The following ARHGAP6 variants were observed in gnomAD, a reference collection of about 807,000 sequenced individuals.
ARHGAP6 encodes rho GTPase-activating protein 6.
ARHGAP6 carries 16 observed loss-of-function variants against 55.7 expected under a neutral mutation model. The ratio of observed to expected loss-of-function variants is 0.29; its 90% CI spans 0.19 to 0.44. ARHGAP6 has a LOEUF of 0.44. ARHGAP6 is among the 20% of genes least tolerant of loss of function. ARHGAP6 has a pLI of 1.00. For missense variants in ARHGAP6, 698 were observed against 808.9 expected, an observed-to-expected ratio of 0.86 and a Z score of 1.66; for synonymous variants, 382 against 360.9, an observed-to-expected ratio of 1.06 and a Z score of -0.66.
At chrX:11,220,320 C>A (rs2046950002) in intron 2 of ARHGAP6, among the ~76,000 whole-genome samples, 1 of 110,945 alleles carries the variant, frequency 9.0e-6, no homozygotes, top group African/African-American at 3.3e-5. Flanking sequence ...AACTCCAAGA[C>A]ACATAATTGT....
chrX:11,354,319 C>CTATA (rs1569311562), intron 1 of ARHGAP6, among the ~76,000 whole-genome samples: 16 of 67,998 alleles, frequency 2.4e-4, no homozygotes, highest in East Asian at 8.9e-4. Context: ...CTCTCTCTCT[C>CTATA]TCTCTCTCTA....
chrX:11,222,664 CTTCTT>C (rs770405744), intron 2 of ARHGAP6, among the ~76,000 whole-genome samples: 2 of 111,909 alleles, frequency 1.8e-5, no homozygotes, highest in South Asian at 7.3e-4. Context: ...ATGGACATTG[CTTCTT>C]TTATTAAAAT....
intron 1 of ARHGAP6, among the ~76,000 whole-genome samples, chrX:11,470,278 A>C (rs2050335004): frequency 8.9e-6 from 1 of 112,079 alleles, no homozygotes; most frequent in African/African-American, 3.2e-5. Flanking sequence ...TTGGTATTTC[A>C]TCAGAAATGA....
chrX:11,390,491 C>T (rs2049388963), intron 1 of ARHGAP6, among the ~76,000 whole-genome samples: 1 of 111,087 alleles, frequency 9.0e-6, no homozygotes, highest in Admixed American at 9.6e-5. Flanking sequence ...AGAGCTTCTG[C>T]ACAGCAAAAG....
intron 1 of ARHGAP6, among the ~76,000 whole-genome samples, chrX:11,410,134 G>A (rs957753077): frequency 2.7e-5 from 3 of 111,918 alleles, no homozygotes; most frequent in Admixed American, 9.5e-5. Context: ...ATATACCCAC[G>A]AGAAGTGAAA....
intron 1 of ARHGAP6, among the ~76,000 whole-genome samples, chrX:11,442,128 T>C (rs2050045478): frequency 2.7e-5 from 3 of 111,469 alleles, no homozygotes; most frequent in Non-Finnish European, 3.8e-5. Flanking sequence ...TAAAAAATTG[T>C]CATCAATTGC....
intron 1 of ARHGAP6, among the ~76,000 whole-genome samples, chrX:11,332,980 T>C (rs2048579976): frequency 9.0e-6 from 1 of 111,622 alleles, no homozygotes; most frequent in Non-Finnish European, 1.9e-5. Flanking sequence ...CAACCACTAA[T>C]CTGCTTTCCA....
intron 1 of ARHGAP6, among the ~76,000 whole-genome samples, chrX:11,522,851 T>C (rs1354052832): frequency 9.0e-6 from 1 of 111,399 alleles, no homozygotes; most frequent in Non-Finnish European, 1.9e-5. Flanking sequence ...TTCCAATCAA[T>C]AGAAAAACAG....
chrX:11,351,570 G>A, intron 1 of ARHGAP6: 3 of 753,620 alleles, frequency 4.0e-6, no homozygotes, highest in Admixed American at 8.6e-5. Context: ...GCCTTGTACC[G>A]CCTCAGTACT....
intron 1 of ARHGAP6, among the ~76,000 whole-genome samples, chrX:11,314,968 A>G (rs1431033216): frequency 8.9e-6 from 1 of 112,656 alleles, no homozygotes; most frequent in African/African-American, 3.2e-5. Context: ...AAAAATATTG[A>G]TAAGATCACC....
At chrX:11,650,595 C>T (rs1333122908) in intron 1 of ARHGAP6, among the ~76,000 whole-genome samples, 3 of 112,169 alleles carry the variant, frequency 2.7e-5, no homozygotes, top group Non-Finnish European at 5.6e-5. Context: ...TGAACTATTT[C>T]ACATTTTTTA....
chrX:11,571,199 C>A (rs1444541821), intron 1 of ARHGAP6, among the ~76,000 whole-genome samples: 3 of 111,885 alleles, frequency 2.7e-5, no homozygotes, highest in South Asian at 3.8e-4. Context: ...AGACATTCCT[C>A]TAGGTTAAGA....
chrX:11,266,605 T>TG (rs1420591812), intron 1 of ARHGAP6, among the ~76,000 whole-genome samples: 3 of 108,530 alleles, frequency 2.8e-5, no homozygotes, highest in African/African-American at 1.0e-4. Context: ...GGGTGGGGGT[T>TG]GGGGGTGGCA....
intron 1 of ARHGAP6, among the ~76,000 whole-genome samples, chrX:11,317,291 G>T (rs1569298338): frequency 8.9e-6 from 1 of 112,425 alleles, no homozygotes; most frequent in Admixed American, 9.4e-5. Context: ...ATGTTTAGAA[G>T]CATCCCTGGC....
At chrX:11,575,939 G>C (rs747723712) in intron 1 of ARHGAP6, among the ~76,000 whole-genome samples, 3 of 112,155 alleles carry the variant, frequency 2.7e-5, no homozygotes, top group Non-Finnish European at 5.6e-5. Flanking sequence ...ACAGATCCAG[G>C]ATTTGAACTC....
chrX:11,316,635 G>A (rs1005802774), intron 1 of ARHGAP6, among the ~76,000 whole-genome samples: 3 of 112,199 alleles, frequency 2.7e-5, no homozygotes, highest in Non-Finnish European at 5.6e-5. Context: ...TAACCATGTT[G>A]TACAATAGAT....
chrX:11,331,604 C>T (rs1177250427), intron 1 of ARHGAP6, among the ~76,000 whole-genome samples: 2 of 111,862 alleles, frequency 1.8e-5, no homozygotes, highest in African/African-American at 6.5e-5. Flanking sequence ...ACTGCTCCCA[C>T]TAAATGAGTA....
At chrX:11,540,894 C>G (rs1365592809) in intron 1 of ARHGAP6, among the ~76,000 whole-genome samples, 1 of 112,312 alleles carries the variant, frequency 8.9e-6, no homozygotes, top group African/African-American at 3.2e-5. Flanking sequence ...CAGTGGGGAG[C>G]CAAACAGCTG....
At chrX:11,504,276 A>G (rs930926070) in intron 1 of ARHGAP6, among the ~76,000 whole-genome samples, 1 of 111,842 alleles carries the variant, frequency 8.9e-6, no homozygotes, top group African/African-American at 3.3e-5. Context: ...TAGAGTACAT[A>G]TCTTAAATTA....
Sources: gnomAD v4.1 joint callset for allele counts (sites outside exome capture counted in the v4.1 genomes callset) on GRCh38, gnomAD v4.1.1 for gene constraint, MANE v1.5 for transcripts, NCBI Gene and HGNC (gene_info 2026-07-23, HGNC 2026-07-21) for gene names.